Variants in CLCA2 observed in about 807,000 individuals in gnomAD.
The protein encoded by CLCA2 is calcium-activated chloride channel regulator 2.
A neutral mutation model predicts 82.9 loss-of-function variants in CLCA2; 85 were observed. That is an observed-to-expected ratio of 1.03 (90% confidence interval 0.86 to 1.23). The LOEUF (loss-of-function observed/expected upper bound fraction) is 1.23, where lower values mean the gene tolerates loss of function less well. CLCA2 is among the 50% of genes most tolerant of loss of function. The pLI is 0.00. For synonymous variants in CLCA2, 421 were observed against 391.7 expected, an observed-to-expected ratio of 1.07 and a Z score of -0.88; for missense variants, 1,089 against 1,124.8, an observed-to-expected ratio of 0.97 and a Z score of 0.45.
intron 3 of CLCA2, among the ~76,000 whole-genome samples, chr1:86,429,190 G>A (rs1321166720): frequency 6.6e-6 from 1 of 152,150 alleles, no homozygotes; most frequent in Non-Finnish European, 1.5e-5. Context: ...GAGGTATGAG[G>A]CCACAAGACT....
chr1:86,425,410 G>T lies in CLCA2; in HGVS notation c.258G>T (p.Lys86Asn). The T allele has an allele frequency of 6.4e-7, 1 of 1,571,976 alleles. No individual in the cohort carries two copies. Residue 86 changes from lysine to asparagine, a missense_variant, in exon 2 of 14, where the codon AAG becomes AAT. By Grantham distance (94) the Lys-to-Asn change is moderately conservative (BLOSUM62 0). Coordinates refer to ENST00000370565, the MANE Select transcript of CLCA2 (RefSeq NM_006536.7). ...TKRRVFFRNI[K>N]ILIPATWKAN... ...GAAGAGTATTTTTCAGAAATATAAA[G>T]ATTTTAATACCTGCCACATGGAAAG... is the stretch of plus-strand genomic sequence containing the variant.
intron 9 of CLCA2, among the ~76,000 whole-genome samples, chr1:86,442,316 A>AT (rs1662752170): frequency 6.6e-6 from 1 of 152,234 alleles, no homozygotes; most frequent in Admixed American, 6.5e-5. Flanking sequence ...TTAGGCTACA[A>AT]TTGGCTCTTC....
chr1:86,455,716 C>T lies in CLCA2; in HGVS notation c.*189C>T. 1 of 365,498 alleles carries T rather than the reference C, an allele frequency of 2.7e-6. No individual in the cohort carries two copies. The allele number at this position is 365,498 out of a possible 1,614,324, so 22.6% of individuals were successfully genotyped here. The stretch of plus-strand genomic sequence containing the variant: ...GGGGGTAGATTAGAAAACCCTTACA[C>T]TTTGGCTATGAACAAATAATAAAAA... On this transcript the variant is annotated 3_prime_UTR_variant, in exon 14 of 14. Transcript: ENST00000370565.
rs1056501372 is a variant in CLCA2, at chr1:86,424,361, T to G, written c.114T>G (p.Asn38Lys). Residue 38 changes from asparagine to lysine, a missense_variant, in exon 1 of 14, where the codon AAT becomes AAG. By Grantham distance (94) the Asn-to-Lys change is moderately conservative (BLOSUM62 0). Transcript: ENST00000370565. The part of the protein sequence containing the change: ...FLGAGVQLQD[N>K]GYNGLLIAIN... ...GAGCTGGAGTACAGCTTCAAGACAA[T>G]GGGTATAATGGATTGCTCATTGCAA... 1.2e-6 allele frequency: 2 copies of G among 1,613,822 alleles called. No homozygotes were observed. The highest frequency in any genetic ancestry group is 1.7e-6 in the Non-Finnish European group (2 of 1,179,872).
intron 6 of CLCA2, 50 bp from the exon 7 acceptor site, chr1:86,438,826 T>TAAAA (rs781492519): frequency 1.3e-6 from 2 of 1,485,884 alleles, no homozygotes; most frequent in Non-Finnish European, 1.9e-6. Flanking sequence ...ATCATACTTT[T>TAAAA]GTCTACTAAC....
At chr1:86,444,528 T>C (rs535486466) in intron 10 of CLCA2, among the ~76,000 whole-genome samples, 13 of 152,100 alleles carry the variant, frequency 8.5e-5, no homozygotes, top group African/African-American at 3.1e-4. Flanking sequence ...AATGGAAATA[T>C]AAGGAATAAC....
intron 9 of CLCA2, among the ~76,000 whole-genome samples, chr1:86,441,831 G>T (rs1662743019): frequency 6.6e-6 from 1 of 152,170 alleles, no homozygotes; most frequent in South Asian, 2.1e-4. Context: ...AGGTGCAGAA[G>T]AAAAATAAGG....
At chr1:86,431,075 G>A in intron 4 of CLCA2, 105 bp downstream of exon 4, 2 of 747,218 alleles carry the variant, frequency 2.7e-6, no homozygotes, top group Non-Finnish European at 2.2e-6. Flanking sequence ...TAATTTAATT[G>A]CAGCTAAAAC....
At position 86,424,352 on chromosome 1, in the gene CLCA2, T is replaced by G; in HGVS notation, c.105T>G (p.Leu35=). ...ELPFLGAGVQ[L]QDNGYNGLLI... ...CATTCCTGGGAGCTGGAGTACAGCTTCAAGACAATGGGTATAATGGATTGC... is the reference window on the plus strand; with the variant it reads ...CATTCCTGGGAGCTGGAGTACAGCTGCAAGACAATGGGTATAATGGATTGC... Residue 35 remains leucine, a synonymous_variant, in exon 1 of 14, where the codon CTT becomes CTG. Coordinates refer to ENST00000370565, the MANE Select transcript of CLCA2 (RefSeq NM_006536.7). The G allele has an allele frequency of 6.2e-7, 1 of 1,613,946 alleles. No homozygotes were observed. Among genetic ancestry groups the G allele is most frequent in the Non-Finnish European group, 8.5e-7 (1 of 1,179,906 alleles).
chr1:86,429,716 T>C (rs987342590), intron 3 of CLCA2, among the ~76,000 whole-genome samples: 2 of 152,230 alleles, frequency 1.3e-5, no homozygotes, highest in African/African-American at 4.8e-5. Flanking sequence ...CAGTAGTGCC[T>C]TTCAAGTGAT....
chr1:86,450,032 C>T (rs1258557771), intron 11 of CLCA2, among the ~76,000 whole-genome samples: 2 of 152,092 alleles, frequency 1.3e-5, no homozygotes, highest in African/African-American at 2.4e-5. Flanking sequence ...TTCCAGATAC[C>T]CTCTAATGAG....
chr1:86,453,238 C>G, intron 12 of CLCA2, 131 bp from the exon 13 acceptor site: 2 of 634,664 alleles, frequency 3.2e-6, no homozygotes, highest in Non-Finnish European at 5.5e-6. Flanking sequence ...AAGTATTGTA[C>G]AAATACACTC....
chr1:86,425,259 T>A (rs972413982), intron 1 of CLCA2, 80 bp from the exon 2 acceptor site: 19 of 992,172 alleles, frequency 1.9e-5, no homozygotes, highest in Middle Eastern at 3.4e-4. Context: ...TGTCTTTTAT[T>A]ACTGTTTAAG....
At chr1:86,453,279 AG>A in intron 12 of CLCA2, 89 bp from the exon 13 acceptor site, 1 of 861,256 alleles carries the variant, frequency 1.2e-6, no homozygotes. Context: ...AAAGAAAAAA[AG>A]GTTTAAGAAA....
chr1:86,447,535 AATACCC>A lies in CLCA2; in HGVS notation c.1744_1749del (p.Thr582_His583del). 1.2e-6 allele frequency: 2 copies of A among 1,614,106 alleles called. No homozygotes were observed. Among genetic ancestry groups the A allele is most frequent in the Non-Finnish European group, 1.7e-6 (2 of 1,180,004 alleles). On this transcript the variant is annotated inframe_deletion, in exon 11 of 14. Transcript: ENST00000370565. Reference sequence around the variant, plus strand: ...TGGGCACTGGACTTACACCCTGAACAATACCCATCATTCTCTGCAAGCCCTGAAAGT... The same window carrying A: ...TGGGCACTGGACTTACACCCTGAACAATCATTCTCTGCAAGCCCTGAAAGT...
rs1662883472 is a variant in CLCA2, at chr1:86,447,709, A to G, written c.1915A>G (p.Thr639Ala). 1 of 1,613,972 alleles carries G rather than the reference A, an allele frequency of 6.2e-7. No individual in the cohort carries two copies. Among genetic ancestry groups the G allele is most frequent in the Non-Finnish European group, 8.5e-7 (1 of 1,180,004 alleles). The change falls in exon 11 of 14, where the codon ACT (threonine) becomes GCT (alanine). Residue 639 changes from threonine (T) to alanine (A), a missense_variant. Coordinates refer to ENST00000370565, the MANE Select transcript of CLCA2 (RefSeq NM_006536.7). Reference protein sequence around the residue: ...KQGFYPILNATVTATVEPETG... With the variant: ...KQGFYPILNAAVTATVEPETG... ...GGGATTTTATCCCATTCTTAATGCC[A>G]CTGTCACTGCCACAGTTGAGCCAGA...
rs1444876128 is a variant in CLCA2 at position 86,434,723 on chromosome 1, A to C, written c.950A>C (p.Asp317Ala). Residue 317 changes from aspartate (D) to alanine (A), a missense_variant, in exon 6 of 14, where the codon GAT becomes GCT. Asp to Ala is a moderately radical substitution (Grantham distance 126, BLOSUM62 -2). Coordinates refer to ENST00000370565, the MANE Select transcript of CLCA2 (RefSeq NM_006536.7). The stretch of plus-strand genomic sequence containing the variant: ...GACAAAGTGGTCTGTTTAGTGCTGG[A>C]TGTGTCCAGCAAGATGGCAGAGGTA... ...AGDKVVCLVL[D>A]VSSKMAEADR... The C allele has an allele frequency of 1.2e-5, 19 of 1,613,172 alleles. No homozygotes were observed. Among genetic ancestry groups the C allele is most frequent in the Non-Finnish European group, 1.4e-5 (17 of 1,179,108 alleles).
intron 2 of CLCA2, among the ~76,000 whole-genome samples, chr1:86,426,897 T>A (rs1443773722): frequency 6.6e-6 from 1 of 152,126 alleles, no homozygotes; most frequent in Non-Finnish European, 1.5e-5. Flanking sequence ...TAACACTTGA[T>A]CCTAATGGAG....
Position 86,432,408 on chromosome 1 carries a change from AG to A in CLCA2, c.626del (p.Gly209ValfsTer32), listed in dbSNP as rs1347305466. Reference protein sequence around the residue: ...DITGIFVCEKGPCPQENCIIS... With the variant: ...DITGIFVCEKXPCPQENCIIS... ...TCACAGGCATTTTTGTGTGTGAAAAAGGTCCTTGCCCCCAAGAAAACTGTAT... is the reference window on the plus strand; with the variant it reads ...TCACAGGCATTTTTGTGTGTGAAAAAGTCCTTGCCCCCAAGAAAACTGTAT... On this transcript the variant is annotated frameshift_variant, in exon 5 of 14. Coordinates refer to ENST00000370565, the MANE Select transcript of CLCA2 (RefSeq NM_006536.7). LOFTEE classifies it high-confidence loss of function. The A allele has an allele frequency of 1.1e-5, 17 of 1,613,818 alleles. No homozygotes were observed. In the South Asian group the frequency reaches 1.5e-4, roughly 15 times the overall value.
Sources: allele counts gnomAD v4.1 joint callset (sites outside exome capture counted in the v4.1 genomes callset), GRCh38; gene constraint gnomAD v4.1.1; transcripts MANE v1.5; gene names NCBI Gene and HGNC (gene_info 2026-07-23, HGNC 2026-07-21).